The following XYLT1 variants were observed in gnomAD, a reference collection of about 807,000 sequenced individuals.
XYLT1 encodes xylosyltransferase 1.
In XYLT1, 36 loss-of-function variants were observed where a neutral mutation model predicts 91.3. The observed-to-expected ratio is 0.39, with a 90% CI of 0.30 to 0.52. The LOEUF is 0.52. Ranked by LOEUF, XYLT1 falls within the 20% of genes least tolerant of loss-of-function variation. XYLT1 has a pLI of 0.68. For missense variants in XYLT1, 1,242 were observed against 1,284.5 expected (o/e 0.97, Z 0.51); for synonymous variants, 588 against 532.0 (o/e 1.11, Z -1.45).
At chr16:17,157,677 T>C (rs1030824209) in intron 6 of XYLT1, among the ~76,000 whole-genome samples, 1 of 152,212 alleles carries the variant, frequency 6.6e-6, no homozygotes, top group Non-Finnish European at 1.5e-5. Flanking sequence ...TCCCAAGCAC[T>C]GCCAGGTTCA....
At chr16:17,424,546 G>A (rs924501420) in intron 1 of XYLT1, among the ~76,000 whole-genome samples, 2 of 152,178 alleles carry the variant, frequency 1.3e-5, no homozygotes, top group African/African-American at 4.8e-5. Flanking sequence ...GGAGTGTTAT[G>A]TGGATGCTGT....
intron 3 of XYLT1, among the ~76,000 whole-genome samples, chr16:17,256,668 A>C (rs2141755086): frequency 1.3e-5 from 2 of 151,924 alleles, no homozygotes; most frequent in African/African-American, 4.8e-5. Flanking sequence ...AACAAAAAAA[A>C]GAGTAGCGAA....
At position 17,243,900 on chromosome 16, in the gene XYLT1, G is replaced by A. The variant is rs117524927; in HGVS notation, c.913+15088C>T. 9.4e-3 allele frequency among the ~76,000 whole-genome samples: 1,436 copies of A among 152,280 alleles called. 11 individuals are homozygous for A. The highest frequency in any genetic ancestry group is 0.037 in the Middle Eastern group (11 of 294). On this transcript the variant is annotated intron_variant, in intron 3 of 11. Transcript: ENST00000261381. Reference sequence around the variant, plus strand: ...ACTTGCCCCATGGAGAGAAGCAGATGCCCAGGTCTCCCACCATGCTTGGCC... The same window carrying A: ...ACTTGCCCCATGGAGAGAAGCAGATACCCAGGTCTCCCACCATGCTTGGCC...
chr16:17,377,352 CA>C (rs531879083), intron 1 of XYLT1, among the ~76,000 whole-genome samples: 127 of 152,228 alleles, frequency 8.3e-4, no homozygotes, highest in African/African-American at 2.5e-3. Context: ...CTCATGAGGC[CA>C]GACACTAACC....
intron 1 of XYLT1, among the ~76,000 whole-genome samples, chr16:17,387,506 C>T (rs567631480): frequency 2.0e-5 from 3 of 152,278 alleles, no homozygotes; most frequent in South Asian, 2.1e-4. Flanking sequence ...CTATAAAAAC[C>T]TGAGGCACAG....
At position 17,259,327 on chromosome 16, in the gene XYLT1, G is replaced by A. The variant is rs763459906; in HGVS notation, c.574C>T (p.Leu192Phe). Residue 192 changes from leucine to phenylalanine, a missense_variant, in exon 3 of 12, where the codon CTT becomes TTT. Physicochemically the swap from Leu to Phe is conservative, Grantham distance 22. This residue lies in a region of XYLT1 where 437 missense variants were observed against 411.5 expected (regional missense o/e 1.06). Transcript: ENST00000261381. ...AKKPPSRQKE[L>F]LKRKLEQQEK... is the part of the protein sequence containing the mutation. ...TGCTGTTCCAGCTTCCTTTTCAAAA[G>A]CTCCTTCTGTCTACTCGGTGGCTTC... 1 of 1,614,174 alleles carries A rather than the reference G, an allele frequency of 6.2e-7. No individual in the cohort carries two copies. Among genetic ancestry groups the A allele is most frequent in the East Asian group, 2.2e-5 (1 of 44,876 alleles).
At chr16:17,229,907 G>A (rs1202578732) in intron 3 of XYLT1, among the ~76,000 whole-genome samples, 3 of 152,212 alleles carry the variant, frequency 2.0e-5, no homozygotes, top group Non-Finnish European at 4.4e-5. Flanking sequence ...TACTGGGTTA[G>A]AATGGGCTAG....
chr16:17,147,899 A>C (rs778612810), intron 6 of XYLT1, among the ~76,000 whole-genome samples: 5 of 152,218 alleles, frequency 3.3e-5, no homozygotes, highest in Non-Finnish European at 7.3e-5. Flanking sequence ...TGAGGCGTGA[A>C]GCACAGATCT....
intron 3 of XYLT1, among the ~76,000 whole-genome samples, chr16:17,206,571 T>C (rs943895499): frequency 2.0e-5 from 3 of 152,094 alleles, no homozygotes; most frequent in Non-Finnish European, 2.9e-5. Flanking sequence ...GTCAAATACT[T>C]ATCATGCTTG....
chr16:17,124,106 C>T (rs1354025152), intron 10 of XYLT1, among the ~76,000 whole-genome samples: 2 of 152,120 alleles, frequency 1.3e-5, no homozygotes, highest in Admixed American at 6.5e-5. Flanking sequence ...TTAAGTGAAG[C>T]TTTTAGGCCA....
In XYLT1 at chr16:17,108,526, G is replaced by C. The variant is rs1444661217; in HGVS notation, c.*169C>G. ...GCAGCTTGCCAAAGGCAGGTTGTTG[G>C]CTGATCCTGCTTTGACCTGCTGACC... On this transcript the variant is annotated 3_prime_UTR_variant, in exon 12 of 12. Transcript: ENST00000261381. The C allele has an allele frequency of 1.5e-6, 1 of 667,980 alleles. No homozygotes were observed. Among genetic ancestry groups the C allele is most frequent in the Non-Finnish European group, 2.4e-6 (1 of 420,022 alleles). The allele number at this position is 667,980 out of a possible 1,614,324, so 41.4% of individuals were successfully genotyped here. A position where few individuals can be genotyped will look rare whatever the true frequency, so the allele number is the denominator to read the frequency against.
chr16:17,236,084 C>T (rs536728205), intron 3 of XYLT1, among the ~76,000 whole-genome samples: 10 of 152,142 alleles, frequency 6.6e-5, no homozygotes, highest in Non-Finnish European at 1.2e-4. Context: ...TCAGGCTGGT[C>T]TGGAGATGCC....
intron 1 of XYLT1, among the ~76,000 whole-genome samples, chr16:17,399,648 T>A (rs115318299): frequency 0.021 from 3,140 of 152,254 alleles, 102 homozygotes; most frequent in African/African-American, 0.07. Flanking sequence ...GCTGAAGTAA[T>A]AACTTGTTTA....
At chr16:17,260,646 G>A (rs2033708855) in intron 2 of XYLT1, among the ~76,000 whole-genome samples, 1 of 152,176 alleles carries the variant, frequency 6.6e-6, no homozygotes, top group Non-Finnish European at 1.5e-5. Flanking sequence ...ACCCCAGCAG[G>A]TCAGCAAACA....
At chr16:17,457,130 A>G in intron 1 of XYLT1, among the ~76,000 whole-genome samples, 1 of 152,070 alleles carries the variant, frequency 6.6e-6, no homozygotes, top group East Asian at 1.9e-4. Context: ...CTTAATAGGC[A>G]CTCTAAATTT....
chr16:17,270,687 A>G (rs758810144), intron 2 of XYLT1, among the ~76,000 whole-genome samples: 1 of 152,196 alleles, frequency 6.6e-6, no homozygotes, highest in Admixed American at 6.5e-5. Flanking sequence ...TGGCATCGCT[A>G]TTCATTCCTC....
rs202017658 is a variant in XYLT1 at position 17,108,943 on chromosome 16, C to T, written c.2632G>A (p.Val878Ile). Reference protein sequence around the residue: ...MEQSFQSLNPVLSLPINPAQV... With the variant: ...MEQSFQSLNPILSLPINPAQV... ...GCGGGGTTGATGGGCAGGCTGAGGA[C>T]GGGGTTTAGGCTCTGGAAGCTCTGC... Residue 878 changes from valine (V) to isoleucine (I), a missense_variant, in exon 12 of 12, where the codon GTC becomes ATC. By Grantham distance (29) the Val-to-Ile change is conservative. Around this residue, in one of 3 missense-constraint regions of XYLT1, gnomAD observed 511 missense variants for 497.0 expected, o/e 1.03. Coordinates refer to ENST00000261381, the MANE Select transcript of XYLT1 (RefSeq NM_022166.4). 132 of 1,596,296 alleles carry T rather than the reference C, an allele frequency of 8.3e-5. No individual in the cohort carries two copies. Among genetic ancestry groups the T allele is most frequent in the Non-Finnish European group, 5.6e-5 (65 of 1,167,264 alleles).
intron 1 of XYLT1, among the ~76,000 whole-genome samples, chr16:17,400,811 A>C (rs2035957876): frequency 6.6e-6 from 1 of 152,138 alleles, no homozygotes. Flanking sequence ...CAGCCGGAGG[A>C]GGGGACACCT....
intron 10 of XYLT1, among the ~76,000 whole-genome samples, chr16:17,124,542 TC>T (rs895097341): frequency 6.6e-6 from 1 of 152,218 alleles, no homozygotes; most frequent in Non-Finnish European, 1.5e-5. Context: ...TAAGGTTATT[TC>T]CTTTGTCTTG....
Sources: allele counts gnomAD v4.1 joint callset (sites outside exome capture counted in the v4.1 genomes callset), GRCh38; gene constraint gnomAD v4.1.1; regional missense constraint gnomAD v4.1.1; transcripts MANE v1.5; gene names NCBI Gene and HGNC (gene_info 2026-07-23, HGNC 2026-07-21).